The following IFT172 variants were observed in gnomAD, a reference collection of about 807,000 sequenced individuals.
The protein encoded by IFT172 is intraflagellar transport 172.
Under a neutral mutation model 248.9 loss-of-function variants are expected in IFT172, and 164 were observed. The observed-to-expected ratio is 0.66, with a 90% CI of 0.58 to 0.75. The LOEUF (loss-of-function observed/expected upper bound fraction) is 0.75. Ranked by LOEUF, IFT172 falls within the 30% of genes least tolerant of loss-of-function variation. IFT172 has a pLI of 0.00. For synonymous variants in IFT172, 729 were observed against 791.6 expected (o/e 0.92, Z 1.33); for missense variants, 1,950 against 2,192.4 (o/e 0.89, Z 2.21).
chr2:27,470,767 T>C, intron 16 of IFT172, 161 bp downstream of exon 16: 1 of 588,954 alleles, frequency 1.7e-6, no homozygotes, highest in South Asian at 3.8e-5. Flanking sequence ...TGAAAAAGGA[T>C]GGTTCTGGGG....
intron 7 of IFT172, among the ~76,000 whole-genome samples, chr2:27,481,605 A>G (rs1668380892): frequency 6.6e-6 from 1 of 150,888 alleles, no homozygotes; most frequent in African/African-American, 2.4e-5. Context: ...GCAGTGGCAC[A>G]ATCTCATCGC....
At chr2:27,448,533 C>A (rs1427343846) in intron 40 of IFT172, among the ~76,000 whole-genome samples, 2 of 152,146 alleles carry the variant, frequency 1.3e-5, no homozygotes, top group African/African-American at 4.8e-5. Flanking sequence ...GGCAACTGTA[C>A]AAATGTAAAT....
chr2:27,480,039 G>T lies in IFT172; in HGVS notation c.896C>A (p.Ser299Ter). The change falls in exon 9 of 48, where the codon TCA becomes TAA. Residue 299 changes from serine to a stop codon, truncating the protein, a stop_gained. Coordinates refer to ENST00000260570, the MANE Select transcript of IFT172 (RefSeq NM_015662.3). LOFTEE classifies it high-confidence loss of function. ...ITALAWKRDG[S>*]RLCVGTLCGG... ...CTAGTAACACACCACACAGAGCCGTGAGCCATCCCGCTTCCAGGCCAAGGC... is the reference window on the plus strand; with the variant it reads ...CTAGTAACACACCACACAGAGCCGTTAGCCATCCCGCTTCCAGGCCAAGGC... The T allele has an allele frequency of 3.1e-6, 5 of 1,613,792 alleles. No individual in the cohort carries two copies. The highest frequency in any genetic ancestry group is 4.2e-6 in the Non-Finnish European group (5 of 1,179,812).
Position 27,489,682 on chromosome 2 carries a change from A to G in IFT172, c.-29T>C. ...GCACACCTGTCTTTCAGATGCTCCTAGACAGCGACAACTCCCGTGGTTACC... is the reference window on the plus strand; with the variant it reads ...GCACACCTGTCTTTCAGATGCTCCTGGACAGCGACAACTCCCGTGGTTACC... On this transcript the variant is annotated 5_prime_UTR_variant, in exon 1 of 48. Coordinates refer to ENST00000260570, the MANE Select transcript of IFT172 (RefSeq NM_015662.3). 6.3e-7 allele frequency: 1 copy of G among 1,591,420 alleles called. No homozygotes were observed. Among genetic ancestry groups the G allele is most frequent in the Non-Finnish European group, 8.6e-7 (1 of 1,163,868 alleles).
At chr2:27,444,891 C>T (rs917237367) in intron 47 of IFT172, 123 bp downstream of exon 47, 43 of 1,029,680 alleles carry the variant, frequency 4.2e-5, no homozygotes, top group Non-Finnish European at 5.0e-5. Flanking sequence ...TCAGGTGATC[C>T]GCCCACCTTG....
intron 1 of IFT172, 25 bp from the exon 2 acceptor site, chr2:27,485,528 A>C: frequency 6.2e-7 from 1 of 1,613,646 alleles, no homozygotes. Flanking sequence ...GGGTAAAAAC[A>C]AACCCATGTG....
rs145041736 is a variant in IFT172 at position 27,449,375 on chromosome 2, C to T, written c.4230G>A (p.Val1410=). Residue 1410 remains valine (V), a synonymous_variant, in exon 39 of 48, where the codon GTG becomes GTA. Coordinates refer to ENST00000260570, the MANE Select transcript of IFT172 (RefSeq NM_015662.3). ...CCAAAGCAGCTATCACATCCACACC[C>T]ACCAGCTGGGTCAATGGAAGACAGA... The part of the protein sequence containing the change: ...LKNQGKVDSL[V]GVDVIAALDL... 2 of 1,614,066 alleles carry T rather than the reference C, an allele frequency of 1.2e-6. No individual in the cohort carries two copies. Among genetic ancestry groups the T allele is most frequent in the African/African-American group, 1.3e-5 (1 of 74,926 alleles).
At chr2:27,486,603 C>T (rs1241082808) in intron 1 of IFT172, among the ~76,000 whole-genome samples, 1 of 152,238 alleles carries the variant, frequency 6.6e-6, no homozygotes, top group Admixed American at 6.5e-5. Context: ...AGTCTATTTT[C>T]CTGCAAATCC....
At chr2:27,483,689 G>A in intron 5 of IFT172, 30 bp from the exon 6 acceptor site, 3 of 1,608,100 alleles carry the variant, frequency 1.9e-6, no homozygotes, top group Non-Finnish European at 2.6e-6. Context: ...TACAAGTATG[G>A]TTAGGCTATT....
chr2:27,445,838 G>C lies in IFT172; in HGVS notation c.4821C>G (p.Ile1607Met). 6.2e-7 allele frequency: 1 copy of C among 1,614,106 alleles called. No individual in the cohort carries two copies. The highest frequency in any genetic ancestry group is 8.5e-7 in the Non-Finnish European group (1 of 1,180,014). ...LNRFLDLTDA[I>M]EEGTLDGLDH... is the part of the protein sequence containing the mutation. ...CAAGGCCATCTAGAGTCCCTTCCTC[G>C]ATTGCCTGCAGTAGAGTGGGCAACC... Residue 1607 changes from isoleucine (I) to methionine (M), a missense_variant, in exon 45 of 48, where the codon ATC (isoleucine) becomes ATG (methionine). Physicochemically the swap from Ile to Met is conservative, Grantham distance 10. Coordinates refer to ENST00000260570, the MANE Select transcript of IFT172 (RefSeq NM_015662.3). This position sits in a 1 kb window ranked among gnomAD's most constrained non-coding sequence, Gnocchi z 4.4.
rs1046047303 is a variant in IFT172, at chr2:27,485,394, C to T, written c.149G>A (p.Arg50Lys). Residue 50 changes from arginine to lysine, a missense_variant, in exon 2 of 48, where the codon AGA becomes AAA. Physicochemically the swap from Arg to Lys is conservative, Grantham distance 26. This residue lies in a region of IFT172 where 1,166 missense variants were observed against 1,254.1 expected (regional missense o/e 0.93). Transcript: ENST00000260570. ...VLLYDEHGER[R>K]DKFSTKPADM... ...AGCTGGTTTGGTGGAGAATTTATCT[C>T]TCCGTTCTCCATGTTCATCATACAG... 3 of 1,614,044 alleles carry T rather than the reference C, an allele frequency of 1.9e-6. No homozygotes were observed. In the African/African-American group the frequency reaches 4.0e-5, roughly 22 times the overall value.
At chr2:27,484,312 C>A (rs1409702058) in intron 3 of IFT172, 46 bp from the exon 4 acceptor site, 4 of 1,607,030 alleles carry the variant, frequency 2.5e-6, no homozygotes, top group African/African-American at 1.3e-5. Flanking sequence ...CACTTCCAGG[C>A]CGGGCGTGGT....
chr2:27,458,246 C>T lies in IFT172; in HGVS notation c.2878-23G>A, dbSNP rs369387458. 3.8e-6 allele frequency: 6 copies of T among 1,599,630 alleles called. No homozygotes were observed. In the African/African-American group the frequency reaches 4.0e-5, roughly 11 times the overall value. On this transcript the variant is annotated intron_variant, in intron 26 of 47. Coordinates refer to ENST00000260570, the MANE Select transcript of IFT172 (RefSeq NM_015662.3). Reference sequence around the variant, plus strand: ...CAGCTGTGGAGGCACAGAGGCAAGGCAGCCTCAGATCCAATTCCCCAGGGA... The same window carrying T: ...CAGCTGTGGAGGCACAGAGGCAAGGTAGCCTCAGATCCAATTCCCCAGGGA...
At chr2:27,466,727 A>G (rs1045925630) in intron 16 of IFT172, among the ~76,000 whole-genome samples, 3 of 152,218 alleles carry the variant, frequency 2.0e-5, no homozygotes, top group African/African-American at 7.2e-5. Flanking sequence ...AATAACAGTT[A>G]AAGGCCGGGC....
chr2:27,483,573 TACTC>T lies in IFT172; in HGVS notation c.482+3_482+6del, dbSNP rs779260798. On this transcript the variant is annotated splice_donor_5th_base_variant and intron_variant, in intron 6 of 47. Transcript: ENST00000260570. The stretch of plus-strand genomic sequence containing the variant: ...AGACTCTAGTGATACTACTCCTCTT[TACTC>T]ACTTTGTTGTCAGGGACACCACGTA... The T allele has an allele frequency of 6.2e-7, 1 of 1,613,364 alleles. No homozygotes were observed. Among genetic ancestry groups the T allele is most frequent in the African/African-American group, 1.3e-5 (1 of 74,914 alleles).
Position 27,447,841 on chromosome 2 carries a change from C to A in IFT172, c.4510G>T (p.Ala1504Ser). Reference sequence around the variant, plus strand: ...TTGAAGAGGACATCTCGAAGATCAGCCCAGCTATGATAGGCCTCGGCACAG... The same window carrying A: ...TTGAAGAGGACATCTCGAAGATCAGACCAGCTATGATAGGCCTCGGCACAG... ...TNCAEAYHSW[A>S]DLRDVLFNLC... The change falls in exon 41 of 48, where the codon GCT (alanine) becomes TCT (serine). Residue 1504 changes from alanine (A) to serine (S), a missense_variant. Transcript: ENST00000260570. 1.2e-6 allele frequency: 2 copies of A among 1,613,710 alleles called. No homozygotes were observed.
At chr2:27,474,126 C>T (rs952351101) in intron 14 of IFT172, among the ~76,000 whole-genome samples, 4 of 152,132 alleles carry the variant, frequency 2.6e-5, no homozygotes, top group Non-Finnish European at 5.9e-5. Flanking sequence ...TGTCATTTTA[C>T]ATACATTGAA....
chr2:27,446,369 C>G lies in IFT172; in HGVS notation c.4660-14G>C, dbSNP rs918818981. On this transcript the variant is annotated splice_polypyrimidine_tract_variant and intron_variant, in intron 42 of 47. Transcript: ENST00000260570. ...AGCCACGGTTTCCTGGGATTAAAGTCAAAGCATTATGAATATGGCACTAAA... is the reference window on the plus strand; with the variant it reads ...AGCCACGGTTTCCTGGGATTAAAGTGAAAGCATTATGAATATGGCACTAAA... 1 of 1,613,128 alleles carries G rather than the reference C, an allele frequency of 6.2e-7. No homozygotes were observed. The highest frequency in any genetic ancestry group is 1.7e-5 in the Admixed American group (1 of 60,012).
intron 16 of IFT172, 184 bp from the exon 17 acceptor site, chr2:27,466,066 G>T: frequency 2.9e-6 from 2 of 682,186 alleles, no homozygotes; most frequent in East Asian, 2.7e-5. Flanking sequence ...AATATCCTTG[G>T]GTTAAAGTAT....
Sources: gnomAD v4.1 joint callset for allele counts (sites outside exome capture counted in the v4.1 genomes callset) on GRCh38, gnomAD v4.1.1 for gene constraint, gnomAD v4.1.1 regional missense constraint, Gnocchi (gnomAD v3.1) non-coding constraint, MANE v1.5 for transcripts, NCBI Gene and HGNC (gene_info 2026-07-23, HGNC 2026-07-21) for gene names.